The following TBX20 variants were observed in gnomAD, a reference collection of about 807,000 sequenced individuals.
TBX20 encodes the protein T-box transcription factor TBX20.
Under a neutral mutation model 42.9 loss-of-function variants are expected in TBX20, and 8 were observed. That is an observed-to-expected ratio of 0.19 (90% CI 0.11 to 0.34). The LOEUF (loss-of-function observed/expected upper bound fraction) is 0.34, where lower values mean the gene tolerates loss of function less well. Ranked by LOEUF, TBX20 falls within the 10% of genes least tolerant of loss-of-function variation. TBX20 has a pLI of 1.00. For missense variants in TBX20, 411 were observed against 566.0 expected (o/e 0.73, Z 2.78); for synonymous variants, 198 against 222.8 (o/e 0.89, Z 0.99).
chr7:35,245,319 G>GTGTGT (rs3219698), intron 3 of TBX20, among the ~76,000 whole-genome samples: 1 of 146,398 alleles, frequency 6.8e-6, no homozygotes, highest in African/African-American at 2.5e-5. Flanking sequence ...TGTTTAAAGG[G>GTGTGT]GTGTGTGTGT....
At chr7:35,253,378 G>A (rs1349814233) in intron 1 of TBX20, 116 bp downstream of exon 1, 9 of 1,235,072 alleles carry the variant, frequency 7.3e-6, no homozygotes, top group Non-Finnish European at 1.0e-5. Context: ...TCCCACCCGC[G>A]ATGTATGGCT....
chr7:35,208,468 C>T (rs1040139617), intron 6 of TBX20, among the ~76,000 whole-genome samples: 1 of 152,148 alleles, frequency 6.6e-6, no homozygotes, highest in African/African-American at 2.4e-5. Context: ...ATGGGCCAGG[C>T]ACAGTGGTTC....
intron 5 of TBX20, among the ~76,000 whole-genome samples, chr7:35,232,998 C>T (rs576424082): frequency 1.6e-4 from 24 of 152,192 alleles, no homozygotes; most frequent in Non-Finnish European, 2.2e-4. Context: ...CCAGCCTGGG[C>T]GACAAGAGCG....
intron 6 of TBX20, among the ~76,000 whole-genome samples, chr7:35,229,015 C>T (rs2814430): frequency 6.6e-6 from 1 of 152,016 alleles, no homozygotes; most frequent in Non-Finnish European, 1.5e-5. Context: ...CTCAAAAGCT[C>T]GTGTAGCTGT....
At position 35,212,708 on chromosome 7, in the gene TBX20, C is replaced by T. The variant is rs549620399; in HGVS notation, c.891-8126G>A. The stretch of plus-strand genomic sequence containing the variant: ...ATAGTCTACCAAATGCCTTCTAAAT[C>T]ACAAGGTTTTCCAGTCCAGCTGATT... On this transcript the variant is annotated intron_variant, in intron 6 of 7. Transcript: ENST00000408931. 4.6e-5 allele frequency among the ~76,000 whole-genome samples: 7 copies of T among 152,294 alleles called. No homozygotes were observed. In the South Asian group the frequency reaches 1.5e-3, roughly 32 times the overall value.
chr7:35,220,660 C>G (rs1789667220), intron 6 of TBX20, among the ~76,000 whole-genome samples: 1 of 152,198 alleles, frequency 6.6e-6, no homozygotes, highest in South Asian at 2.1e-4. Flanking sequence ...TCAATTTCAG[C>G]TCCTAATATT....
intron 6 of TBX20, among the ~76,000 whole-genome samples, chr7:35,216,359 A>C (rs765758616): frequency 3.3e-5 from 5 of 152,178 alleles, no homozygotes; most frequent in African/African-American, 4.8e-5. Context: ...GCAAGTCTGC[A>C]TATCTTGAAC....
intron 6 of TBX20, among the ~76,000 whole-genome samples, chr7:35,208,445 A>C (rs1332085504): frequency 6.6e-6 from 1 of 152,194 alleles, no homozygotes; most frequent in Non-Finnish European, 1.5e-5. Context: ...ATGTTGAATT[A>C]GCAGTGGTAA....
chr7:35,222,764 G>A (rs1365305707), intron 6 of TBX20, among the ~76,000 whole-genome samples: 1 of 152,136 alleles, frequency 6.6e-6, no homozygotes, highest in Non-Finnish European at 1.5e-5. Flanking sequence ...GCAAGCAGAG[G>A]AGAGTTCAGA....
rs775454947 is a variant in TBX20 at position 35,240,942 on chromosome 7, T to C, written c.750A>G (p.Glu250=). ...TTTCTGGAAAGATGAAAGTTCTAAA[T>C]TCTTCAGACTTCAGGTTGAGCAATG... is the stretch of plus-strand genomic sequence containing the variant. ...TASLLNLKSE[E]FRTFIFPETV... is the part of the protein sequence containing the mutation. The change falls in exon 5 of 8, where the codon GAA becomes GAG. Residue 250 remains glutamate (E), a synonymous_variant. Coordinates refer to ENST00000408931, the MANE Select transcript of TBX20 (RefSeq NM_001077653.2). 3.7e-6 allele frequency: 6 copies of C among 1,613,804 alleles called. No homozygotes were observed. The Admixed American group carries it at 1.0e-4, about 27-fold the overall frequency.
chr7:35,227,146 GT>G (rs1261148409), intron 6 of TBX20, among the ~76,000 whole-genome samples: 1 of 151,552 alleles, frequency 6.6e-6, no homozygotes, highest in African/African-American at 2.4e-5. Context: ...AAGAAAAAAT[GT>G]TTTTGTACAG....
At chr7:35,217,770 G>A (rs1433959667) in intron 6 of TBX20, among the ~76,000 whole-genome samples, 3 of 152,090 alleles carry the variant, frequency 2.0e-5, no homozygotes. Context: ...GCCCAGGCTG[G>A]AGTGCAATGG....
intron 3 of TBX20, among the ~76,000 whole-genome samples, chr7:35,247,615 TTGAC>T (rs1484459083): frequency 2.0e-5 from 3 of 152,174 alleles, no homozygotes; most frequent in Non-Finnish European, 2.9e-5. Context: ...ATTCTCTGCC[TTGAC>T]TATGACTCCA....
At position 35,244,870 on chromosome 7, in the gene TBX20, G is replaced by A. The variant is rs566300055; in HGVS notation, c.654+79C>T. 1.8e-5 allele frequency: 18 copies of A among 977,416 alleles called. No homozygotes were observed. In the Admixed American group the frequency reaches 2.6e-4, roughly 14 times the overall value. The allele number at this position is 977,416 out of a possible 1,614,324, so 60.5% of individuals were successfully genotyped here. ...GGAAGGGGATAGGGAAGGCAGGAAG[G>A]GACTCAGAGAGAGACAGTTTTGTGC... On this transcript the variant is annotated intron_variant, in intron 4 of 7. Transcript: ENST00000408931.
chr7:35,242,501 T>C (rs1259096321), intron 4 of TBX20, among the ~76,000 whole-genome samples: 1 of 151,940 alleles, frequency 6.6e-6, no homozygotes, highest in Non-Finnish European at 1.5e-5. Flanking sequence ...ATCACTAATA[T>C]AAGAAAAAAA....
intron 4 of TBX20, among the ~76,000 whole-genome samples, chr7:35,242,043 G>A (rs1258113006): frequency 6.6e-6 from 1 of 150,916 alleles, no homozygotes; most frequent in Non-Finnish European, 1.5e-5. Flanking sequence ...ACTCTCAGGA[G>A]ACATCTGACT....
At position 35,253,778 on chromosome 7, in the gene TBX20, C is replaced by G. The variant is rs991420231; in HGVS notation, c.-158G>C. On this transcript the variant is annotated 5_prime_UTR_variant, in exon 1 of 8. Transcript: ENST00000408931. ...AGTGTCAGCTCCAACGACTCCAGAG[C>G]TGCACACTGGCCTCTATTCCCCACC... is the stretch of plus-strand genomic sequence containing the variant. 10 of 871,806 alleles carry G rather than the reference C, an allele frequency of 1.1e-5. No homozygotes were observed. In the African/African-American group the frequency reaches 1.7e-4, roughly 15 times the overall value. 54.0% of individuals were successfully genotyped at this position (871,806 alleles called of 1,614,324 possible).
At chr7:35,238,734 AC>A (rs1208928009) in intron 5 of TBX20, among the ~76,000 whole-genome samples, 1 of 151,970 alleles carries the variant, frequency 6.6e-6, no homozygotes, top group Admixed American at 6.5e-5. Flanking sequence ...TTCCATCTAA[AC>A]CCCAACTTTT....
intron 6 of TBX20, among the ~76,000 whole-genome samples, chr7:35,217,065 A>C (rs1459001959): frequency 2.6e-5 from 4 of 152,156 alleles, no homozygotes; most frequent in African/African-American, 9.6e-5. Flanking sequence ...ATAAATCATT[A>C]ATTTTAATTT....
Sources: allele counts gnomAD v4.1 joint callset (sites outside exome capture counted in the v4.1 genomes callset), GRCh38; gene constraint gnomAD v4.1.1; transcripts MANE v1.5; gene names NCBI Gene and HGNC (gene_info 2026-07-23, HGNC 2026-07-21).